The following NCOR2 variants were observed in gnomAD, a reference collection of about 807,000 sequenced individuals.
The protein encoded by NCOR2 is nuclear receptor corepressor 2, also known as CTG repeat protein 26.
Under a neutral mutation model 262.9 loss-of-function variants are expected in NCOR2, and 81 were observed. The ratio of observed to expected loss-of-function variants is 0.31; its 90% CI spans 0.26 to 0.37. The LOEUF is 0.37. Among genes scored for constraint, NCOR2 ranks in the 10% least tolerant of loss-of-function variants. The pLI is 1.00. For synonymous variants in NCOR2, 1,659 were observed against 1,559.3 expected, an observed-to-expected ratio of 1.06 and a Z score of -1.51; for missense variants, 3,385 against 3,621.4, an observed-to-expected ratio of 0.93 and a Z score of 1.68.
chr12:124,542,059 C>A (rs889911360), intron 1 of NCOR2, among the ~76,000 whole-genome samples: 1 of 151,740 alleles, frequency 6.6e-6, no homozygotes, highest in Non-Finnish European at 1.5e-5. Context: ...TTGGGTCAAT[C>A]CCTGAGGGCT....
intron 5 of NCOR2, among the ~76,000 whole-genome samples, 200 bp downstream of exon 7, chr12:124,465,973 A>G (rs1266028478): frequency 6.6e-6 from 1 of 152,192 alleles, no homozygotes; most frequent in Non-Finnish European, 1.5e-5. Context: ...TCTGAGCAGA[A>G]CAGCCCAGAG....
At chr12:124,394,195 A>G (rs1264739107) in intron 16 of NCOR2, among the ~76,000 whole-genome samples, 1 of 152,226 alleles carries the variant, frequency 6.6e-6, no homozygotes, top group African/African-American at 2.4e-5. Context: ...CCTACTGTAT[A>G]CCAAGGACTG....
chr12:124,448,878 G>A (rs182491192), intron 7 of NCOR2, among the ~76,000 whole-genome samples: 59 of 152,224 alleles, frequency 3.9e-4, no homozygotes, highest in African/African-American at 1.3e-3. Context: ...TCAGCTAAAC[G>A]CCTCCCTTTG....
intron 1 of NCOR2, chr12:124,562,103 T>C (rs1038213211): frequency 6.6e-6 from 1 of 151,998 alleles, no homozygotes; most frequent in Non-Finnish European, 1.5e-5. Flanking sequence ...AGAATATGAC[T>C]TCATCACCCA....
upstream of NCOR2, among the ~76,000 whole-genome samples, chr12:124,495,611 C>T (rs112419507): frequency 0.041 from 6,294 of 152,250 alleles, 162 homozygotes; most frequent in South Asian, 0.092. The surrounding 1 kb of genome is among the most constrained non-coding windows in gnomAD (Gnocchi z 4.4). Flanking sequence ...CTCCTCCCCA[C>T]CCAGGCCTTC....
exon 20 of NCOR2, chr12:124,372,545 T>G: frequency 6.3e-7 from 1 of 1,596,684 alleles, no homozygotes; most frequent in African/African-American, 1.3e-5. Flanking sequence ...TTCTGCCCTG[T>G]GTCCTTGGCG....
rs967259653 is a variant in NCOR2, at chr12:124,332,608, T to C, written c.6756-141A>G. ...CCCCACGCCTGCATCCCCTGCCTGG[T>C]AGAAGATCACGGCTCCTGAAATCTC... On this transcript the variant is annotated intron_variant, in intron 42 of 46. Transcript: ENST00000405201. 7 of 1,098,354 alleles carry C rather than the reference T, an allele frequency of 6.4e-6. No homozygotes were observed. In the East Asian group the frequency reaches 1.0e-4, roughly 16 times the overall value. 68.0% of individuals were successfully genotyped at this position (1,098,354 alleles called of 1,614,324 possible).
In NCOR2 at chr12:124,346,268, G is replaced by A. The variant is rs138815728; in HGVS notation, c.4359+296C>T. Among the ~76,000 whole-genome samples, 1,389 of 152,302 alleles carry A rather than the reference G, an allele frequency of 9.1e-3. 23 individuals are homozygous for A. Among genetic ancestry groups the A allele is most frequent in the African/African-American group, 0.027 (1,126 of 41,558 alleles). ...AAAGATTCAACGGAGGCAGTTACTC[G>A]TCACTATGTTTAGTCCTGTGGCCTT... is the stretch of plus-strand genomic sequence containing the variant. On this transcript the variant is annotated intron_variant, in intron 31 of 46. Transcript: ENST00000405201.
intron 15 of NCOR2, among the ~76,000 whole-genome samples, chr12:124,399,676 G>A (rs2041891109): frequency 6.6e-6 from 1 of 152,144 alleles, no homozygotes; most frequent in Admixed American, 6.5e-5. Flanking sequence ...GGGTCTGTGG[G>A]AGATGAAGCA....
chr12:124,509,100 T>A (rs1347639810), intron 1 of NCOR2, among the ~76,000 whole-genome samples: 1 of 152,026 alleles, frequency 6.6e-6, no homozygotes, highest in Admixed American at 6.5e-5. Context: ...CAAGACACAG[T>A]GTCTCTGCCC....
chr12:124,385,823 C>T (rs764262807), exon 17 of NCOR2: 29 of 1,613,992 alleles, frequency 1.8e-5, no homozygotes, highest in South Asian at 2.2e-5. Context: ...TCTTACACTG[C>T]GACACAGTCT....
intron 37 of NCOR2, among the ~76,000 whole-genome samples, chr12:124,338,390 T>C (rs1593113851): frequency 6.6e-6 from 1 of 151,558 alleles, no homozygotes; most frequent in East Asian, 1.9e-4. Context: ...TGCCTGTAAC[T>C]GCAGCTACTT....
chr12:124,361,341 C>T (rs2038579188), intron 22 of NCOR2, among the ~76,000 whole-genome samples: 1 of 152,242 alleles, frequency 6.6e-6, no homozygotes, highest in South Asian at 2.1e-4. Context: ...CCCCCAACAC[C>T]TGCAAGGCAC....
At chr12:124,392,754 C>A (rs916632598) in intron 16 of NCOR2, among the ~76,000 whole-genome samples, 1 of 152,080 alleles carries the variant, frequency 6.6e-6, no homozygotes, top group Non-Finnish European at 1.5e-5. Flanking sequence ...GGGGGCTCAC[C>A]CCTCCCCTTC....
At chr12:124,495,304 A>G (rs754017697), upstream of NCOR2, 29 of 1,563,882 alleles carry the variant, frequency 1.9e-5, no homozygotes, top group Non-Finnish European at 2.3e-5. The surrounding 1 kb of genome is among the most constrained non-coding windows in gnomAD (Gnocchi z 4.4). Context: ...GCTTTCTCTT[A>G]ATCACCACCA....
chr12:124,374,319 G>T, intron 19 of NCOR2, 94 bp downstream of exon 21: 1 of 1,289,824 alleles, frequency 7.8e-7, no homozygotes, highest in South Asian at 1.2e-5. Context: ...AGAGGCATGT[G>T]CTCAGAAGCG....
At chr12:124,358,102 C>T (rs533536855) in intron 22 of NCOR2, among the ~76,000 whole-genome samples, 44 of 132,330 alleles carry the variant, frequency 3.3e-4, no homozygotes, top group Admixed American at 2.2e-3. Context: ...TGTGCGCGCG[C>T]GCACGTGCGT....
At chr12:124,537,340 T>C (rs892309355), upstream of NCOR2, among the ~76,000 whole-genome samples, 49 of 152,344 alleles carry the variant, frequency 3.2e-4, no homozygotes, top group African/African-American at 1.0e-3. Flanking sequence ...TCAACGGACC[T>C]CTGGGAAACC....
At chr12:124,511,135 C>A (rs527895529) in intron 1 of NCOR2, among the ~76,000 whole-genome samples, 6 of 152,252 alleles carry the variant, frequency 3.9e-5, no homozygotes, top group Non-Finnish European at 8.8e-5. Flanking sequence ...AACAGAGAGA[C>A]TGAGGCTGAG....
Sources: gnomAD v4.1 joint callset for allele counts (sites outside exome capture counted in the v4.1 genomes callset) on GRCh38, gnomAD v4.1.1 for gene constraint, Gnocchi (gnomAD v3.1) non-coding constraint, MANE v1.5 for transcripts, NCBI Gene and HGNC (gene_info 2026-07-23, HGNC 2026-07-21) for gene names.